NCOA1: variants seen among roughly 807,000 people sequenced by gnomAD.
The protein encoded by NCOA1 is Hin-2 protein.
NCOA1 carries 35 observed loss-of-function variants against 150.9 expected under a neutral mutation model. The observed-to-expected ratio is 0.23, with a 90% CI of 0.18 to 0.31. The LOEUF is 0.31. Among genes scored for constraint, NCOA1 ranks in the 10% least tolerant of loss-of-function variants. The probability of loss-of-function intolerance (pLI) is 1.00; values close to 1 mark genes in which losing one functional copy is unlikely to be tolerated. For missense variants in NCOA1, 1,491 were observed against 1,749.3 expected (o/e 0.85, Z 2.63); for synonymous variants, 590 against 630.0 (o/e 0.94, Z 0.95).
chr2:24,598,144 A>G (rs997602929), intron 3 of NCOA1, among the ~76,000 whole-genome samples: 3 of 152,166 alleles, frequency 2.0e-5, no homozygotes, highest in African/African-American at 4.8e-5. Context: ...TTCCATGGTG[A>G]ATCTCATCTA....
chr2:24,560,085 C>T (rs894222517), intron 1 of NCOA1, among the ~76,000 whole-genome samples: 4 of 152,204 alleles, frequency 2.6e-5, no homozygotes, highest in African/African-American at 7.2e-5. Flanking sequence ...TACTATTATA[C>T]TAATCTTTCT....
At chr2:24,723,744 T>C (rs1674472392) in intron 14 of NCOA1, among the ~76,000 whole-genome samples, 1 of 152,200 alleles carries the variant, frequency 6.6e-6, no homozygotes, top group South Asian at 2.1e-4. Flanking sequence ...ATCCTATTGA[T>C]TTATAGAATT....
intron 6 of NCOA1, among the ~76,000 whole-genome samples, chr2:24,669,381 A>T (rs2148512719): frequency 6.6e-6 from 1 of 152,292 alleles, no homozygotes; most frequent in East Asian, 1.9e-4. Context: ...AAAGAAAAAA[A>T]CAAGAAGGCA....
intron 20 of NCOA1, among the ~76,000 whole-genome samples, chr2:24,757,033 T>C (rs1393655090): frequency 6.6e-6 from 1 of 152,212 alleles, no homozygotes; most frequent in Non-Finnish European, 1.5e-5. Flanking sequence ...CCTAAAAACA[T>C]TTGGTTGTAT....
At chr2:24,660,455 G>C (rs187268214) in intron 5 of NCOA1, among the ~76,000 whole-genome samples, 1 of 151,618 alleles carries the variant, frequency 6.6e-6, no homozygotes, top group Non-Finnish European at 1.5e-5. Flanking sequence ...TAATAATTAT[G>C]TGTGTATTTT....
Position 24,656,195 on chromosome 2 carries a change from A to C in NCOA1, c.-17-2466A>C, listed in dbSNP as rs180946809. ...TGCAGTGTACCAACTGAGACAAGAAATACATGAGAAGGAAATAGGTTTATA... is the reference window on the plus strand; with the variant it reads ...TGCAGTGTACCAACTGAGACAAGAACTACATGAGAAGGAAATAGGTTTATA... On this transcript the variant is annotated intron_variant, in intron 4 of 22. Transcript: ENST00000348332. Among the ~76,000 whole-genome samples, 82 of 152,296 alleles carry C rather than the reference A, an allele frequency of 5.4e-4. 1 individual carries two copies. Among genetic ancestry groups the C allele is most frequent in the African/African-American group, 1.9e-3 (77 of 41,580 alleles).
chr2:24,527,614 T>C (rs960864033), intron 1 of NCOA1, among the ~76,000 whole-genome samples: 3 of 152,232 alleles, frequency 2.0e-5, no homozygotes, highest in Non-Finnish European at 4.4e-5. Context: ...TGAATAATGC[T>C]GCAATGAACA....
At chr2:24,606,411 A>G (rs1049649370) in intron 3 of NCOA1, among the ~76,000 whole-genome samples, 5 of 151,716 alleles carry the variant, frequency 3.3e-5, no homozygotes, top group South Asian at 2.1e-4. Context: ...TAATTTTTGT[A>G]TTTTTAGTAG....
chr2:24,524,357 G>A (rs2148145577), intron 1 of NCOA1, among the ~76,000 whole-genome samples: 1 of 152,256 alleles, frequency 6.6e-6, no homozygotes, highest in Admixed American at 6.5e-5. Context: ...GGAATGCAGT[G>A]ACAAATCATG....
At chr2:24,534,287 A>G (rs887547517) in intron 1 of NCOA1, among the ~76,000 whole-genome samples, 2 of 152,086 alleles carry the variant, frequency 1.3e-5, no homozygotes, top group African/African-American at 4.8e-5. Context: ...ATCGGTGGTG[A>G]TAATCCCCTC....
At chr2:24,681,493 G>A (rs1572583965) in intron 7 of NCOA1, among the ~76,000 whole-genome samples, 3 of 152,224 alleles carry the variant, frequency 2.0e-5, no homozygotes, top group Middle Eastern at 3.4e-3. Context: ...TCAGTGTCAC[G>A]ACATTTTCAG....
At chr2:24,671,384 C>A (rs956402408) in intron 6 of NCOA1, among the ~76,000 whole-genome samples, 3 of 152,044 alleles carry the variant, frequency 2.0e-5, no homozygotes, top group African/African-American at 7.2e-5. Flanking sequence ...TAGCCAGGGG[C>A]AGTGGTGCAT....
chr2:24,491,958 G>A (rs2148052025), intron 1 of NCOA1: 1 of 152,022 alleles, frequency 6.6e-6, no homozygotes, highest in South Asian at 2.1e-4. Flanking sequence ...CGTGGGGAGC[G>A]GGCGCCCCGG....
In NCOA1 at chr2:24,491,423, G is replaced by T. The variant is rs1409250821; in HGVS notation, c.-575G>T. ...GCCGCCTGTTCGCTGCTGCTCCCTC[G>T]AGCGGAGCCTGCGTCAGGTTCCCTC... On this transcript the variant is annotated 5_prime_UTR_variant, in exon 1 of 23. Coordinates refer to ENST00000348332, the MANE Select transcript of NCOA1 (RefSeq NM_003743.5). Among the ~76,000 whole-genome samples, 2 of 71,550 alleles carry T rather than the reference G, an allele frequency of 2.8e-5. No individual in the cohort carries two copies. The highest frequency in any genetic ancestry group is 5.5e-5 in the Non-Finnish European group (2 of 36,426). The allele number at this position is 71,550 out of a possible 152,430, so 46.9% of individuals were successfully genotyped here. A position where few individuals can be genotyped will look rare whatever the true frequency, so the allele number is the denominator to read the frequency against.
chr2:24,560,883 CAG>C (rs892929869), intron 1 of NCOA1, among the ~76,000 whole-genome samples: 2 of 152,172 alleles, frequency 1.3e-5, no homozygotes, highest in Admixed American at 1.3e-4. Flanking sequence ...AATCACACCA[CAG>C]AGGTTTCTGT....
intron 1 of NCOA1, among the ~76,000 whole-genome samples, chr2:24,562,386 C>T (rs898234153): frequency 5.9e-5 from 9 of 152,140 alleles, no homozygotes; most frequent in Non-Finnish European, 1.2e-4. Flanking sequence ...ATCCCCAAAT[C>T]CAAAAGAATC....
chr2:24,514,861 T>G lies in NCOA1; in HGVS notation c.-396+23259T>G, dbSNP rs529100184. 4.6e-5 allele frequency among the ~76,000 whole-genome samples: 7 copies of G among 152,354 alleles called. 1 individual carries two copies. The highest frequency in any genetic ancestry group is 1.4e-4 in the African/African-American group (6 of 41,584). On this transcript the variant is annotated intron_variant, in intron 1 of 22. Coordinates refer to ENST00000348332, the MANE Select transcript of NCOA1 (RefSeq NM_003743.5). ...GATGTTAAAGACATCTAGGATAATT[T>G]AATGCAAAGTAAATATTAAGTGTAG...
chr2:24,504,085 G>C (rs1372517734), intron 1 of NCOA1, among the ~76,000 whole-genome samples: 1 of 151,276 alleles, frequency 6.6e-6, no homozygotes, highest in Non-Finnish European at 1.5e-5. Flanking sequence ...GTAAATTATA[G>C]TAGATGGAGA....
intron 7 of NCOA1, among the ~76,000 whole-genome samples, chr2:24,682,295 C>T (rs942605618): frequency 2.0e-5 from 3 of 152,156 alleles, no homozygotes; most frequent in African/African-American, 4.8e-5. Context: ...GGCTCTTCCT[C>T]GGGATACCAG....
Sources: allele counts gnomAD v4.1 joint callset (sites outside exome capture counted in the v4.1 genomes callset), GRCh38; gene constraint gnomAD v4.1.1; transcripts MANE v1.5; gene names NCBI Gene and HGNC (gene_info 2026-07-23, HGNC 2026-07-21).